PPP4R3A: variants seen among roughly 807,000 people sequenced by gnomAD.
The protein encoded by PPP4R3A is serine/threonine-protein phosphatase 4 regulatory subunit 3A.
A neutral mutation model predicts 91.7 loss-of-function variants in PPP4R3A; 15 were observed. That is an observed-to-expected ratio of 0.16 (90% CI 0.11 to 0.25). The LOEUF (loss-of-function observed/expected upper bound fraction) is 0.25. Among genes scored for constraint, PPP4R3A ranks in the 10% least tolerant of loss-of-function variants. PPP4R3A has a pLI of 1.00. For missense variants in PPP4R3A, 623 were observed against 998.4 expected, an observed-to-expected ratio of 0.62 and a Z score of 5.07; for synonymous variants, 377 against 348.7, an observed-to-expected ratio of 1.08 and a Z score of -0.91.
At position 91,479,293 on chromosome 14, in the gene PPP4R3A, CGTGTGTGTGTGT is replaced by C. The variant is rs3029507; in HGVS notation, c.915+2271_915+2282del. Among the ~76,000 whole-genome samples, 938 of 144,202 alleles carry C rather than the reference CGTGTGTGTGTGT, an allele frequency of 6.5e-3. 5 individuals are homozygous for C. Among genetic ancestry groups the C allele is most frequent in the African/African-American group, 0.022 (856 of 39,056 alleles). 94.6% of individuals were successfully genotyped at this position (144,202 alleles called of 152,430 possible). On this transcript the variant is annotated intron_variant, in intron 4 of 14. Transcript: ENST00000554943. ...ACAGGCATCAAAGAATAAAAAACAA[CGTGTGTGTGTGT>C]GTGTGTGTGTGTGTGTGTGTGTGTA...
intron 7 of PPP4R3A, 73 bp from the exon 8 acceptor site, chr14:91,473,443 A>G: frequency 2.0e-6 from 3 of 1,486,528 alleles, no homozygotes; most frequent in Non-Finnish European, 2.7e-6. Flanking sequence ...TAAGACACAT[A>G]CCACAGCATT....
chr14:91,487,572 T>C (rs1254119064), intron 2 of PPP4R3A, among the ~76,000 whole-genome samples: 1 of 152,180 alleles, frequency 6.6e-6, no homozygotes, highest in East Asian at 1.9e-4. Context: ...AAAACAGCCA[T>C]GCAAAGGCCG....
chr14:91,486,905 CAAAAAAAAAA>C lies in PPP4R3A; in HGVS notation c.199-1185_199-1176del, dbSNP rs769201002. ...GGCAACAGGAGCAAAACTCTGTCTC[CAAAAAAAAAA>C]AAAAAAAAATAGAGAGTCAAAATAT... On this transcript the variant is annotated intron_variant, in intron 2 of 14. Transcript: ENST00000554943. Among the ~76,000 whole-genome samples the C allele has an allele frequency of 6.9e-5, 6 of 86,904 alleles. No homozygotes were observed. In the East Asian group the frequency reaches 1.7e-3, roughly 25 times the overall value. 57.0% of individuals were successfully genotyped at this position (86,904 alleles called of 152,430 possible). A position where few individuals can be genotyped will look rare whatever the true frequency, so the allele number is the denominator to read the frequency against.
At chr14:91,480,790 C>T (rs1340902533) in intron 4 of PPP4R3A, among the ~76,000 whole-genome samples, 1 of 152,186 alleles carries the variant, frequency 6.6e-6, no homozygotes, top group East Asian at 1.9e-4. Flanking sequence ...AATCCCAACA[C>T]TTTGCAAGGC....
rs530523432 is a variant in PPP4R3A, at chr14:91,495,972, T to C, written c.143-5170A>G. 3.3e-5 allele frequency among the ~76,000 whole-genome samples: 5 copies of C among 152,240 alleles called. No homozygotes were observed. In the South Asian group the frequency reaches 8.3e-4, roughly 25 times the overall value. ...ACACAAAAAGGTAAACTGTAAAGTA[T>C]AAATATTCATACAATGGATACCACG... On this transcript the variant is annotated intron_variant, in intron 1 of 14. Transcript: ENST00000554943.
In PPP4R3A at chr14:91,473,036, T is replaced by C; in HGVS notation, c.1498A>G (p.Lys500Glu). Reference protein sequence around the residue: ...LANTTEDKPSKDDFQTAQLLA... With the variant: ...LANTTEDKPSEDDFQTAQLLA... ...CTACCAACCTGAATTATCTTACCTT[T>C]ACTAGGTTTGTCTTCTGTTGTATTT... is the stretch of plus-strand genomic sequence containing the variant. The change falls in exon 9 of 15, where the codon AAA becomes GAA. Residue 500 changes from lysine to glutamate, a missense_variant. Coordinates refer to ENST00000554943, the MANE Select transcript of PPP4R3A (RefSeq NM_001366432.2). The C allele has an allele frequency of 6.2e-7, 1 of 1,613,592 alleles. No individual in the cohort carries two copies. The highest frequency in any genetic ancestry group is 8.5e-7 in the Non-Finnish European group (1 of 1,179,728).
intron 7 of PPP4R3A, chr14:91,475,376 G>C (rs542516940): frequency 5.7e-6 from 1 of 174,048 alleles, no homozygotes; most frequent in South Asian, 1.3e-4. Context: ...GTTCTCTATG[G>C]CTAGGCAGTA....
At chr14:91,494,077 C>T (rs1382340035) in intron 1 of PPP4R3A, among the ~76,000 whole-genome samples, 2 of 151,892 alleles carry the variant, frequency 1.3e-5, no homozygotes, top group Non-Finnish European at 2.9e-5. Flanking sequence ...CATGGTGAAA[C>T]CCCGTCTCTA....
At chr14:91,508,652 T>C (rs945528482) in intron 1 of PPP4R3A, among the ~76,000 whole-genome samples, 1 of 152,042 alleles carries the variant, frequency 6.6e-6, no homozygotes, top group Non-Finnish European at 1.5e-5. Context: ...ACAGCACATG[T>C]GGAAAAAAGA....
At chr14:91,508,129 A>G (rs1891528934) in intron 1 of PPP4R3A, among the ~76,000 whole-genome samples, 2 of 152,240 alleles carry the variant, frequency 1.3e-5, no homozygotes, top group African/African-American at 4.8e-5. Context: ...AACACTTGAC[A>G]TTCAAATTGT....
chr14:91,462,008 G>A, intron 13 of PPP4R3A, 41 bp downstream of exon 13: 1 of 1,452,876 alleles, frequency 6.9e-7, no homozygotes, highest in East Asian at 2.5e-5. Flanking sequence ...TCTAGAGTAA[G>A]AAAGCCTTAA....
chr14:91,499,195 G>A (rs977442978), intron 1 of PPP4R3A, among the ~76,000 whole-genome samples: 9 of 151,532 alleles, frequency 5.9e-5, no homozygotes, highest in African/African-American at 2.2e-4. Flanking sequence ...AGGCCAGGAG[G>A]TTGAGGCTGC....
At chr14:91,465,229 A>G (rs750877069) in intron 11 of PPP4R3A, 21 bp downstream of exon 11, 2 of 1,468,400 alleles carry the variant, frequency 1.4e-6, no homozygotes, top group Non-Finnish European at 1.8e-6. Context: ...TGAAAATTCT[A>G]ATTAAAAATA....
chr14:91,507,618 ATAC>A (rs905852447), intron 1 of PPP4R3A, among the ~76,000 whole-genome samples: 2 of 41,054 alleles, frequency 4.9e-5, no homozygotes, highest in Non-Finnish European at 4.7e-5. Context: ...ATAGTTATAT[ATAC>A]TATTATATAT....
In PPP4R3A at chr14:91,481,969, C is replaced by T. The variant is rs1454172598; in HGVS notation, c.522G>A (p.Leu174=). The change falls in exon 4 of 15, where the codon CTG becomes CTA. Residue 174 remains leucine, a synonymous_variant. Transcript: ENST00000554943. ...AATCTTCACACACATGAAAAAGCTCCAGGAGCTTTTTAATATAACCCTCAT... is the reference window on the plus strand; with the variant it reads ...AATCTTCACACACATGAAAAAGCTCTAGGAGCTTTTTAATATAACCCTCAT... The part of the protein sequence containing the change: ...LENEGYIKKL[L]ELFHVCEDLE... The T allele has an allele frequency of 6.2e-7, 1 of 1,613,932 alleles. No homozygotes were observed. The highest frequency in any genetic ancestry group is 1.3e-5 in the African/African-American group (1 of 74,910).
chr14:91,498,105 T>C (rs533184141), intron 1 of PPP4R3A, among the ~76,000 whole-genome samples: 1 of 152,248 alleles, frequency 6.6e-6, no homozygotes. Flanking sequence ...GAGGCCAAGG[T>C]AGGCGAATCA....
At chr14:91,461,305 G>T (rs989152548) in intron 14 of PPP4R3A, 76 bp downstream of exon 14, 2 of 1,364,278 alleles carry the variant, frequency 1.5e-6, no homozygotes, top group African/African-American at 2.9e-5. Flanking sequence ...GTAACCAAAG[G>T]GAATCTTAGT....
In PPP4R3A at chr14:91,458,471, C is replaced by CA; in HGVS notation, c.*287dup. On this transcript the variant is annotated 3_prime_UTR_variant, in exon 15 of 15. Transcript: ENST00000554943. ...ACCAGTCAATCCAGAGTTCCACTTA[C>CA]AAAACCCCTGCCCTGTTGGCTTTTT... 2.2e-6 allele frequency: 1 copy of CA among 450,422 alleles called. No individual in the cohort carries two copies. The highest frequency in any genetic ancestry group is 2.2e-5 in the South Asian group (1 of 46,238). 27.9% of individuals were successfully genotyped at this position (450,422 alleles called of 1,614,324 possible). A position where few individuals can be genotyped will look rare whatever the true frequency, so the allele number is the denominator to read the frequency against.
chr14:91,475,599 A>G (rs1889149772), intron 7 of PPP4R3A: 1 of 427,948 alleles, frequency 2.3e-6, no homozygotes, highest in Non-Finnish European at 4.1e-6. Flanking sequence ...ACTGACATGA[A>G]TATTTTAAAA....
Sources: allele counts gnomAD v4.1 joint callset (sites outside exome capture counted in the v4.1 genomes callset), GRCh38; gene constraint gnomAD v4.1.1; transcripts MANE v1.5; gene names NCBI Gene and HGNC (gene_info 2026-07-23, HGNC 2026-07-21).